Variants in C16orf74 observed in about 807,000 individuals in gnomAD.
C16orf74 encodes calcimembrin.
In C16orf74, 10 loss-of-function variants were observed where a neutral mutation model predicts 6.5. The ratio of observed to expected loss-of-function variants is 1.54; its 90% CI spans 0.95 to 2.61. The LOEUF is 2.61. Ranked by LOEUF, C16orf74 falls within the 30% of genes most tolerant of loss-of-function variation. The pLI is 0.00. For missense variants in C16orf74, 141 were observed against 105.9 expected (o/e 1.33, Z -1.45); for synonymous variants, 60 against 42.5 (o/e 1.41, Z -1.60).
intron 1 of C16orf74, among the ~76,000 whole-genome samples, chr16:85,745,362 T>G (rs557502075): frequency 1.3e-5 from 2 of 152,180 alleles, no homozygotes; most frequent in Non-Finnish European, 2.9e-5. Flanking sequence ...CCCACTTCCA[T>G]GTTGGCTGTG....
chr16:85,709,187 T>C (rs1299366574), intron 3 of C16orf74, among the ~76,000 whole-genome samples: 2 of 152,156 alleles, frequency 1.3e-5, no homozygotes, highest in Admixed American at 1.3e-4. Flanking sequence ...AAACCCCATT[T>C]CTACTAAAAT....
chr16:85,708,333 GC>G (rs1378488070), intron 3 of C16orf74, among the ~76,000 whole-genome samples: 2 of 152,110 alleles, frequency 1.3e-5, no homozygotes, highest in East Asian at 3.9e-4. Flanking sequence ...TCTCCCCTAT[GC>G]CCCCACTGGT....
Position 85,707,877 on chromosome 16 carries a change from G to C in C16orf74, c.*131C>G. The C allele has an allele frequency of 2.8e-6, 2 of 713,842 alleles. No homozygotes were observed. Among genetic ancestry groups the C allele is most frequent in the South Asian group, 3.5e-5 (2 of 56,950 alleles). 44.2% of individuals were successfully genotyped at this position (713,842 alleles called of 1,614,324 possible). ...CTCGCTGGTCCTGCCACGTCTCTCT[G>C]AGCGGAGGCCCGGGTTCGCTCAGTT... On this transcript the variant is annotated 3_prime_UTR_variant, in exon 4 of 4. Coordinates refer to ENST00000284245, the MANE Select transcript of C16orf74 (RefSeq NM_206967.3).
chr16:85,743,676 T>G (rs9925031), intron 1 of C16orf74: 20 of 152,164 alleles, frequency 1.3e-4, no homozygotes, highest in African/African-American at 4.8e-4. Flanking sequence ...CCCAGCACTT[T>G]GGGAGGCTGA....
intron 2 of C16orf74, among the ~76,000 whole-genome samples, chr16:85,725,918 C>T (rs557441675): frequency 4.1e-4 from 62 of 152,162 alleles, no homozygotes; most frequent in Non-Finnish European, 6.6e-4. Flanking sequence ...AGTTCTCAAT[C>T]CACACCTCAG....
intron 1 of C16orf74, among the ~76,000 whole-genome samples, chr16:85,745,004 T>G (rs1401921258): frequency 1.4e-5 from 2 of 144,210 alleles, no homozygotes; most frequent in Non-Finnish European, 3.1e-5. Context: ...AGCCAGGCAT[T>G]GTGGCGCACG....
chr16:85,728,228 C>T (rs28703590), intron 2 of C16orf74, among the ~76,000 whole-genome samples: 4,942 of 152,258 alleles, frequency 0.032, 241 homozygotes, highest in African/African-American at 0.11. Context: ...TTTGCTGTAA[C>T]GAGTGGACCG....
At chr16:85,749,664 T>C (rs2054414192) in intron 1 of C16orf74, among the ~76,000 whole-genome samples, 1 of 152,244 alleles carries the variant, frequency 6.6e-6, no homozygotes, top group African/African-American at 2.4e-5. Context: ...ACGCAGGGTC[T>C]GGTGCATGAG....
chr16:85,725,870 C>T lies in C16orf74; in HGVS notation c.28+9320G>A, dbSNP rs937986643. On this transcript the variant is annotated intron_variant, in intron 2 of 3. Transcript: ENST00000284245. ...CTGCCCACCTTGGCTTTCCGAAGTG[C>T]TGGCCTGTATTACCGCACCTGGCCT... 8.7e-4 allele frequency among the ~76,000 whole-genome samples: 133 copies of T among 152,182 alleles called. 1 individual carries two copies. Among genetic ancestry groups the T allele is most frequent in the African/African-American group, 3.0e-3 (126 of 41,446 alleles).
intron 2 of C16orf74, among the ~76,000 whole-genome samples, chr16:85,726,411 G>T (rs115525362): frequency 3.3e-5 from 5 of 152,190 alleles, no homozygotes; most frequent in African/African-American, 1.2e-4. Flanking sequence ...ATGGAACAGC[G>T]ACTGTGCGTT....
intron 2 of C16orf74, among the ~76,000 whole-genome samples, chr16:85,725,078 G>A (rs567474265): frequency 3.9e-5 from 6 of 152,298 alleles, no homozygotes; most frequent in South Asian, 2.1e-4. Context: ...GGGGGGGACC[G>A]GCTAAGTCCC....
Position 85,744,702 on chromosome 16 carries a change from C to T in C16orf74, c.-19+6224G>A, listed in dbSNP as rs936251815. The stretch of plus-strand genomic sequence containing the variant: ...AAAATTAGTCAGGCATGGTGGCAGG[C>T]GCCTGTAGTCTCAGCTACTTGGGAG... On this transcript the variant is annotated intron_variant, in intron 1 of 3. Coordinates refer to ENST00000284245, the MANE Select transcript of C16orf74 (RefSeq NM_206967.3). Among the ~76,000 whole-genome samples the T allele has an allele frequency of 4.6e-5, 7 of 151,888 alleles. No individual in the cohort carries two copies. In the South Asian group the frequency reaches 1.0e-3, roughly 23 times the overall value.
At chr16:85,713,138 G>A (rs1039413799) in intron 2 of C16orf74, among the ~76,000 whole-genome samples, 1 of 152,180 alleles carries the variant, frequency 6.6e-6, no homozygotes, top group South Asian at 2.1e-4. Flanking sequence ...CTGCAAGGGA[G>A]ACTGTTCCAA....
intron 1 of C16orf74, among the ~76,000 whole-genome samples, chr16:85,747,848 G>A (rs1172501084): frequency 2.0e-5 from 3 of 152,048 alleles, no homozygotes; most frequent in African/African-American, 7.3e-5. Flanking sequence ...AGCACTTTGG[G>A]AGGCTCAGGC....
intron 1 of C16orf74, among the ~76,000 whole-genome samples, chr16:85,750,641 T>TG (rs942830203): frequency 2.1e-4 from 32 of 151,870 alleles, no homozygotes; most frequent in Admixed American, 4.6e-4. Context: ...CTGTGGTGAG[T>TG]GGGGGGCCAG....
intron 1 of C16orf74, chr16:85,741,580 T>C (rs78861859): frequency 0.044 from 7,486 of 170,416 alleles, 621 homozygotes; most frequent in African/African-American, 0.17. Flanking sequence ...TGGAGAGTTT[T>C]CACACAGCAA....
intron 2 of C16orf74, among the ~76,000 whole-genome samples, chr16:85,733,872 C>G (rs902522217): frequency 6.6e-6 from 1 of 152,202 alleles, no homozygotes; most frequent in Non-Finnish European, 1.5e-5. Context: ...GAACCAATCT[C>G]TCCGCAAGCG....
intron 1 of C16orf74, among the ~76,000 whole-genome samples, chr16:85,749,621 GTT>G: frequency 6.6e-6 from 1 of 152,350 alleles, no homozygotes; most frequent in East Asian, 1.9e-4. Flanking sequence ...ACAGTATTTG[GTT>G]GGAGAGTTGG....
rs2054230362 is a variant in C16orf74 at position 85,735,162 on chromosome 16, C to T, written c.28+28G>A. ...CCCAGCACCCCCTCTGCCATGAGAGCTGGTGGGGGCAGAGCTTCAGGCCTT... is the reference window on the plus strand; with the variant it reads ...CCCAGCACCCCCTCTGCCATGAGAGTTGGTGGGGGCAGAGCTTCAGGCCTT... On this transcript the variant is annotated intron_variant, in intron 2 of 3. Transcript: ENST00000284245. 4 of 1,593,338 alleles carry T rather than the reference C, an allele frequency of 2.5e-6. No homozygotes were observed. The African/African-American group carries it at 4.1e-5, about 16-fold the overall frequency.
Sources: allele counts gnomAD v4.1 joint callset (sites outside exome capture counted in the v4.1 genomes callset), GRCh38; gene constraint gnomAD v4.1.1; transcripts MANE v1.5; gene names NCBI Gene and HGNC (gene_info 2026-07-23, HGNC 2026-07-21).